Variants in FAM13B observed in about 807,000 individuals in gnomAD.
The protein encoded by FAM13B is protein FAM13B.
Under a neutral mutation model 117.3 loss-of-function variants are expected in FAM13B, and 60 were observed. The ratio of observed to expected loss-of-function variants is 0.51; its 90% CI spans 0.42 to 0.63. The LOEUF (loss-of-function observed/expected upper bound fraction) is 0.63. FAM13B is among the 30% of genes least tolerant of loss of function. FAM13B has a pLI of 0.00. For synonymous variants in FAM13B, 332 were observed against 356.1 expected (o/e 0.93, Z 0.76); for missense variants, 972 against 1,091.9 (o/e 0.89, Z 1.55).
intron 17 of FAM13B, among the ~76,000 whole-genome samples, chr5:137,950,855 G>T (rs1292912368): frequency 6.6e-6 from 1 of 152,164 alleles, no homozygotes; most frequent in African/African-American, 2.4e-5. Context: ...CATTAAACAA[G>T]GAAATCTTTA....
At chr5:137,983,163 C>T (rs1776241765) in intron 10 of FAM13B, among the ~76,000 whole-genome samples, 1 of 97,706 alleles carries the variant, frequency 1.0e-5, no homozygotes, top group Non-Finnish European at 1.9e-5. Context: ...TGAGAAAGAA[C>T]AGCCAGTGTA....
chr5:137,943,112 A>G (rs1383380772), intron 21 of FAM13B, 21 bp downstream of exon 21: 1 of 1,613,434 alleles, frequency 6.2e-7, no homozygotes, highest in African/African-American at 1.3e-5. Flanking sequence ...GGATCAGATA[A>G]TTATTTCTTT....
At chr5:138,013,437 C>T (rs921231937) in intron 4 of FAM13B, among the ~76,000 whole-genome samples, 3 of 147,278 alleles carry the variant, frequency 2.0e-5, no homozygotes, top group African/African-American at 7.6e-5. Context: ...GGAGGCAGAG[C>T]TTGCAGTGAG....
At chr5:137,955,897 G>T (rs1766389894) in intron 14 of FAM13B, among the ~76,000 whole-genome samples, 1 of 152,140 alleles carries the variant, frequency 6.6e-6, no homozygotes, top group Non-Finnish European at 1.5e-5. Context: ...CTCCCAAAGT[G>T]CTAGGATTAC....
chr5:137,970,975 C>A (rs1411212067), intron 10 of FAM13B, among the ~76,000 whole-genome samples: 3 of 151,896 alleles, frequency 2.0e-5, no homozygotes, highest in African/African-American at 7.3e-5. Flanking sequence ...TCCTGAGTGA[C>A]CTACAAAGAG....
At chr5:138,012,765 G>GT (rs1784360196) in intron 4 of FAM13B, among the ~76,000 whole-genome samples, 1 of 152,072 alleles carries the variant, frequency 6.6e-6, no homozygotes, top group Non-Finnish European at 1.5e-5. Context: ...GTTTCATTTT[G>GT]TATTTTTCCG....
chr5:137,987,805 A>AACAG (rs1341905066), intron 8 of FAM13B, among the ~76,000 whole-genome samples, 189 bp from the exon 9 acceptor site: 4 of 152,206 alleles, frequency 2.6e-5, no homozygotes, highest in African/African-American at 9.6e-5. Context: ...AATTTACCCA[A>AACAG]ACAGACAATC....
chr5:138,009,412 C>T (rs1213890583), intron 6 of FAM13B, among the ~76,000 whole-genome samples: 2 of 151,686 alleles, frequency 1.3e-5, no homozygotes, highest in Non-Finnish European at 2.9e-5. Context: ...TCCCCATCTA[C>T]GTATTTTATT....
chr5:138,018,924 A>G (rs1351129790), intron 3 of FAM13B, 31 bp downstream of exon 3: 1 of 1,550,042 alleles, frequency 6.5e-7, no homozygotes, highest in Non-Finnish European at 8.8e-7. Context: ...ATTAAAACAA[A>G]AGCTAGCCCT....
chr5:137,946,767 T>C (rs758418827), intron 18 of FAM13B, among the ~76,000 whole-genome samples: 17 of 152,236 alleles, frequency 1.1e-4, no homozygotes, highest in Admixed American at 3.3e-4. Context: ...TGGCATTTTA[T>C]TGGCATTAAG....
intron 1 of FAM13B, among the ~76,000 whole-genome samples, chr5:138,044,717 A>G (rs1252901150): frequency 1.3e-5 from 2 of 152,210 alleles, no homozygotes; most frequent in Non-Finnish European, 2.9e-5. Flanking sequence ...GTTAGCTACA[A>G]AACATTCAAC....
At position 138,047,466 on chromosome 5, in the gene FAM13B, A is replaced by G. The variant is rs367573735; in HGVS notation, c.-203+4412T>C. 1.7e-4 allele frequency among the ~76,000 whole-genome samples: 26 copies of G among 151,356 alleles called. No individual in the cohort carries two copies. In the East Asian group the frequency reaches 1.8e-3, roughly 10 times the overall value. ...GGTTGCAGTGAGCCGAGATCACACC[A>G]CTGCACTCCAGCCTGGTGACAGAGC... On this transcript the variant is annotated intron_variant, in intron 1 of 3. Coordinates refer to the FAM13B transcript ENST00000502471.
intron 1 of FAM13B, among the ~76,000 whole-genome samples, chr5:138,045,569 G>A (rs1384839955): frequency 6.6e-6 from 1 of 152,028 alleles, no homozygotes; most frequent in African/African-American, 2.4e-5. Flanking sequence ...AATAAACTTA[G>A]ACCTACAGGT....
At chr5:138,029,183 C>A (rs1329223772) in intron 1 of FAM13B, among the ~76,000 whole-genome samples, 1 of 152,112 alleles carries the variant, frequency 6.6e-6, no homozygotes, top group Non-Finnish European at 1.5e-5. Context: ...AATGGATTAC[C>A]CTTCCTTTTC....
At position 137,966,674 on chromosome 5, in the gene FAM13B, A is replaced by C. The variant is rs139966493; in HGVS notation, c.1180-4205T>G. Among the ~76,000 whole-genome samples the C allele has an allele frequency of 1.2e-3, 188 of 152,128 alleles. 4 individuals are homozygous for C. The highest frequency in any genetic ancestry group is 0.01 in the Middle Eastern group (3 of 292). On this transcript the variant is annotated intron_variant, in intron 10 of 23. Coordinates refer to ENST00000689681, the MANE Select transcript of FAM13B (RefSeq NM_001385994.1). ...ATCGTATGTCATTAGGAAACTCAAA[A>C]TTTAAACAAGATACCATTACACATC...
At chr5:138,025,384 T>C (rs780485402) in intron 1 of FAM13B, among the ~76,000 whole-genome samples, 36 of 142,506 alleles carry the variant, frequency 2.5e-4, no homozygotes, top group Non-Finnish European at 7.5e-5. Flanking sequence ...GGCCCAATCA[T>C]GCAGCCTCAA....
intron 7 of FAM13B, among the ~76,000 whole-genome samples, chr5:138,005,827 T>C (rs958103092): frequency 2.6e-5 from 4 of 152,126 alleles, no homozygotes; most frequent in Non-Finnish European, 5.9e-5. Flanking sequence ...TGGCAATAGA[T>C]AGCTCTTCCC....
intron 7 of FAM13B, among the ~76,000 whole-genome samples, chr5:138,000,601 G>A (rs888310523): frequency 2.0e-5 from 3 of 151,934 alleles, no homozygotes; most frequent in African/African-American, 7.3e-5. Flanking sequence ...AAAAATCCAC[G>A]AGGTCATAAA....
At chr5:137,941,374 A>G (rs747285746) in intron 23 of FAM13B, among the ~76,000 whole-genome samples, 1 of 152,166 alleles carries the variant, frequency 6.6e-6, no homozygotes, top group Admixed American at 6.5e-5. Flanking sequence ...AACTGAACCC[A>G]AACTTCTGGC....
Sources: gnomAD v4.1 joint callset for allele counts (sites outside exome capture counted in the v4.1 genomes callset) on GRCh38, gnomAD v4.1.1 for gene constraint, MANE v1.5 for transcripts, NCBI Gene and HGNC (gene_info 2026-07-23, HGNC 2026-07-21) for gene names.